The following PABPC1L variants were observed in gnomAD, a reference collection of about 807,000 sequenced individuals.
The protein encoded by PABPC1L is poly(A) binding protein cytoplasmic 1 like, also known as polyadenylate-binding protein 1-like.
In PABPC1L, 31 loss-of-function variants were observed where a neutral mutation model predicts 66.6. That is an observed-to-expected ratio of 0.47 (90% CI 0.35 to 0.63). The LOEUF is 0.63. Ranked by LOEUF, PABPC1L falls within the 20% of genes least tolerant of loss-of-function variation. PABPC1L has a pLI of 0.00. For missense variants in PABPC1L, 722 were observed against 848.8 expected (o/e 0.85, Z 1.86); for synonymous variants, 348 against 335.1 (o/e 1.04, Z -0.42).
Position 44,939,163 on chromosome 20 carries a change from A to C in PABPC1L, c.*44A>C, listed in dbSNP as rs892370235. On this transcript the variant is annotated 3_prime_UTR_variant, in exon 15 of 15. Coordinates refer to ENST00000217073, the MANE Select transcript of PABPC1L (RefSeq NM_001372179.1). ...TCGCTTCCATGGCTGCCAAAAGGAC[A>C]GTGTTTCTGGCTCTCAGCCCTAAGG... is the stretch of plus-strand genomic sequence containing the variant. 2.6e-5 allele frequency: 19 copies of C among 717,986 alleles called. No individual in the cohort carries two copies. In the East Asian group the frequency reaches 4.8e-4, roughly 18 times the overall value. The allele number at this position is 717,986 out of a possible 1,614,324, so 44.5% of individuals were successfully genotyped here. A position where few individuals can be genotyped will look rare whatever the true frequency, so the allele number is the denominator to read the frequency against.
chr20:44,910,628 C>G (rs1000537729), intron 1 of PABPC1L, among the ~76,000 whole-genome samples: 2 of 152,156 alleles, frequency 1.3e-5, no homozygotes, highest in African/African-American at 4.8e-5. Flanking sequence ...AGAAGCCCAG[C>G]AGCCGTGTGA....
rs2066774108 is a variant in PABPC1L at position 44,921,637 on chromosome 20, T to A, written c.782T>A (p.Leu261Gln). The A allele has an allele frequency of 6.2e-7, 1 of 1,613,910 alleles. No individual in the cohort carries two copies. The highest frequency in any genetic ancestry group is 8.5e-7 in the Non-Finnish European group (1 of 1,179,990). Reference sequence around the variant, plus strand: ...GGGAAGGAGGTGAGCGGGCGGCTGCTGTACGCGGGCCGGGCCCAAAAGCGC... The same window carrying A: ...GGGAAGGAGGTGAGCGGGCGGCTGCAGTACGCGGGCCGGGCCCAAAAGCGC... Reference protein sequence around the residue: ...MNGKEVSGRLLYAGRAQKRVE... With the variant: ...MNGKEVSGRLQYAGRAQKRVE... Residue 261 changes from leucine (L) to glutamine (Q), a missense_variant, in exon 6 of 15, where the codon CTG becomes CAG. Leu to Gln is a moderately radical substitution (Grantham distance 113). Around this residue, in one of 3 missense-constraint regions of PABPC1L, gnomAD observed 137 missense variants for 216.8 expected, o/e 0.63. Transcript: ENST00000217073.
At chr20:44,931,377 A>T (rs1364014487) in intron 8 of PABPC1L, among the ~76,000 whole-genome samples, 1 of 151,650 alleles carries the variant, frequency 6.6e-6, no homozygotes, top group South Asian at 2.1e-4. Flanking sequence ...GGGTCTCGCC[A>T]TGTTGCCCAG....
intron 2 of PABPC1L, among the ~76,000 whole-genome samples, chr20:44,914,204 C>CCTTT (rs2066723341): frequency 8.7e-6 from 1 of 114,370 alleles, no homozygotes; most frequent in Non-Finnish European, 1.7e-5. Flanking sequence ...TGTGTCAGAA[C>CCTTT]TTTTTTTTTT....
chr20:44,931,033 TCCCTTCCC>T (rs1487274248), intron 8 of PABPC1L, among the ~76,000 whole-genome samples: 8 of 27,552 alleles, frequency 2.9e-4, no homozygotes, highest in African/African-American at 8.6e-4. Flanking sequence ...CTCCCTTCCC[TCCCTTCCC>T]TCCCTTCCCT....
intron 3 of PABPC1L, 25 bp from the exon 4 acceptor site, chr20:44,918,881 A>G (rs764039710): frequency 4.1e-5 from 63 of 1,550,978 alleles, no homozygotes; most frequent in Middle Eastern, 1.9e-4. Flanking sequence ...GTCCACAGCC[A>G]TGAGCCAGTG....
intron 7 of PABPC1L, among the ~76,000 whole-genome samples, chr20:44,927,351 AT>A (rs1044185993): frequency 5.3e-4 from 74 of 139,006 alleles, no homozygotes; most frequent in South Asian, 4.7e-4. Flanking sequence ...ATATATATAT[AT>A]TTTTTTTTTT....
At chr20:44,925,615 TG>T (rs1487627295) in intron 7 of PABPC1L, among the ~76,000 whole-genome samples, 1 of 152,150 alleles carries the variant, frequency 6.6e-6, no homozygotes, top group East Asian at 1.9e-4. Context: ...TCTGAGGAAG[TG>T]GTCTAGAAGT....
intron 10 of PABPC1L, among the ~76,000 whole-genome samples, chr20:44,933,471 AT>A (rs1432008430): frequency 6.6e-6 from 1 of 151,846 alleles, no homozygotes; most frequent in Non-Finnish European, 1.5e-5. Context: ...TTGAGGCAGA[AT>A]TTCATTCTTG....
chr20:44,926,039 A>G (rs1399292518), intron 7 of PABPC1L, among the ~76,000 whole-genome samples: 12 of 152,202 alleles, frequency 7.9e-5, no homozygotes, highest in Admixed American at 7.9e-4. Flanking sequence ...TCTGCATTCA[A>G]TAAGTAGTGA....
At chr20:44,934,681 TC>T (rs1284759598) in intron 10 of PABPC1L, among the ~76,000 whole-genome samples, 2 of 152,234 alleles carry the variant, frequency 1.3e-5, no homozygotes, top group Non-Finnish European at 2.9e-5. Context: ...TAAATAATAT[TC>T]CATTGTATGT....
intron 10 of PABPC1L, among the ~76,000 whole-genome samples, chr20:44,934,740 C>T (rs907406584): frequency 5.9e-5 from 9 of 152,208 alleles, no homozygotes; most frequent in African/African-American, 2.4e-5. Flanking sequence ...GGACACTTTT[C>T]TACCCTTTGG....
Position 44,921,868 on chromosome 20 carries a change from A to G in PABPC1L, c.876+137A>G, listed in dbSNP as rs976664504. 43 of 1,313,318 alleles carry G rather than the reference A, an allele frequency of 3.3e-5. No individual in the cohort carries two copies. In the African/African-American group the frequency reaches 5.8e-4, roughly 18 times the overall value. The allele number at this position is 1,313,318 out of a possible 1,614,324, so 81.4% of individuals were successfully genotyped here. ...AAGGCGGGAATTGAATGAGCATGGGATGGCCCCCACTGCCTAATGTATAAC... is the reference window on the plus strand; with the variant it reads ...AAGGCGGGAATTGAATGAGCATGGGGTGGCCCCCACTGCCTAATGTATAAC... On this transcript the variant is annotated intron_variant, in intron 6 of 14. Coordinates refer to ENST00000217073, the MANE Select transcript of PABPC1L (RefSeq NM_001372179.1).
Position 44,919,008 on chromosome 20 carries a change from G to C in PABPC1L, c.606G>C (p.Val202=), listed in dbSNP as rs746493515. The C allele has an allele frequency of 2.5e-6, 4 of 1,613,418 alleles. No individual in the cohort carries two copies. Among genetic ancestry groups the C allele is most frequent in the Non-Finnish European group, 3.4e-6 (4 of 1,179,652 alleles). Residue 202 remains valine (V), a synonymous_variant, in exon 4 of 15, where the codon GTG becomes GTC. Coordinates refer to ENST00000217073, the MANE Select transcript of PABPC1L (RefSeq NM_001372179.1). ...NIYVKNLPVD[V]DEQGLQDLFS... is the part of the protein sequence containing the mutation. ...ACGTGAAGAACCTCCCGGTGGATGT[G>C]GACGAGCAAGGCCTGCAGGACCTCT...
At chr20:44,933,307 T>C in intron 10 of PABPC1L, 122 bp downstream of exon 10, 1 of 791,068 alleles carries the variant, frequency 1.3e-6, no homozygotes, top group Non-Finnish European at 2.0e-6. Flanking sequence ...CTTTGGAGAC[T>C]GTAGCGTGGT....
At chr20:44,935,643 C>T in intron 11 of PABPC1L, 146 bp downstream of exon 11, 1 of 547,616 alleles carries the variant, frequency 1.8e-6, no homozygotes, top group Non-Finnish European at 3.2e-6. Context: ...TAAGAGATCA[C>T]CCTTACTGCG....
chr20:44,932,520 C>T, intron 9 of PABPC1L, 88 bp downstream of exon 9: 1 of 1,199,928 alleles, frequency 8.3e-7, no homozygotes, highest in Non-Finnish European at 1.2e-6. Flanking sequence ...AAACCTGGCT[C>T]TGCCACTTCC....
chr20:44,937,309 C>G (rs2066909017), intron 12 of PABPC1L: 1 of 274,640 alleles, frequency 3.6e-6, no homozygotes, highest in African/African-American at 2.2e-5. Flanking sequence ...ACTGCATGGC[C>G]CCCGAGACCT....
At chr20:44,913,827 C>T (rs1326161177) in intron 2 of PABPC1L, among the ~76,000 whole-genome samples, 1 of 152,116 alleles carries the variant, frequency 6.6e-6, no homozygotes, top group Non-Finnish European at 1.5e-5. Context: ...GCCATCAAGG[C>T]AATTAAGTTA....
Sources: gnomAD v4.1 joint callset for allele counts (sites outside exome capture counted in the v4.1 genomes callset) on GRCh38, gnomAD v4.1.1 for gene constraint, gnomAD v4.1.1 regional missense constraint, MANE v1.5 for transcripts, NCBI Gene and HGNC (gene_info 2026-07-23, HGNC 2026-07-21) for gene names.